Variants in FGF12 observed in about 807,000 individuals in gnomAD.
FGF12 encodes the protein fibroblast growth factor 12B.
FGF12 carries 14 observed loss-of-function variants against 23.6 expected under a neutral mutation model. That is an observed-to-expected ratio of 0.59 (90% CI 0.39 to 0.93). FGF12 has a LOEUF of 0.93. Among genes scored for constraint, FGF12 ranks in the 40% least tolerant of loss-of-function variants. The pLI is 0.00. For missense variants in FGF12, 175 were observed against 217.8 expected, an observed-to-expected ratio of 0.80 and a Z score of 1.24; for synonymous variants, 62 against 77.3, an observed-to-expected ratio of 0.80 and a Z score of 1.04.
chr3:192,370,094 G>A (rs549479096), intron 2 of FGF12, among the ~76,000 whole-genome samples: 1 of 152,282 alleles, frequency 6.6e-6, no homozygotes, highest in African/African-American at 2.4e-5. Flanking sequence ...CAGGGTGAAG[G>A]AAATATGGGG....
chr3:192,248,694 C>T (rs1390472010), intron 4 of FGF12, among the ~76,000 whole-genome samples: 1 of 152,172 alleles, frequency 6.6e-6, no homozygotes, highest in African/African-American at 2.4e-5. Context: ...GGGAGGATGA[C>T]TTCTGCCCCG....
At chr3:192,158,366 C>CTTTT (rs1261185677) in intron 5 of FGF12, among the ~76,000 whole-genome samples, 1 of 97,634 alleles carries the variant, frequency 1.0e-5, no homozygotes, top group African/African-American at 4.7e-5. Flanking sequence ...TTCTTTCTTT[C>CTTTT]TTTCTTTCTT....
chr3:192,376,527 T>C (rs186301185), intron 2 of FGF12, among the ~76,000 whole-genome samples: 1 of 151,964 alleles, frequency 6.6e-6, no homozygotes. Context: ...CACGCCCGGC[T>C]AATTTTGTAT....
At chr3:192,476,453 C>T (rs1723327683) in intron 2 of FGF12, among the ~76,000 whole-genome samples, 1 of 152,162 alleles carries the variant, frequency 6.6e-6, no homozygotes, top group Non-Finnish European at 1.5e-5. Context: ...ATCATTTTAC[C>T]ACAACATATG....
At chr3:192,458,438 T>G (rs1011580974) in intron 2 of FGF12, among the ~76,000 whole-genome samples, 1 of 152,208 alleles carries the variant, frequency 6.6e-6, no homozygotes, top group Non-Finnish European at 1.5e-5. Flanking sequence ...ACCCACCTCT[T>G]GCATCAGTGT....
chr3:192,530,430 T>C (rs1649791119), intron 2 of FGF12, among the ~76,000 whole-genome samples: 1 of 152,220 alleles, frequency 6.6e-6, no homozygotes, highest in Non-Finnish European at 1.5e-5. Context: ...AGAAGCTTAT[T>C]GACATTTATG....
chr3:192,349,667 T>C (rs1419402901), intron 3 of FGF12, among the ~76,000 whole-genome samples: 1 of 152,112 alleles, frequency 6.6e-6, no homozygotes, highest in African/African-American at 2.4e-5. Flanking sequence ...ATTATTGCTA[T>C]AGAATTCACT....
intron 2 of FGF12, among the ~76,000 whole-genome samples, chr3:192,677,826 CA>C: frequency 6.6e-6 from 1 of 152,302 alleles, no homozygotes; most frequent in South Asian, 2.1e-4. Flanking sequence ...CTGAATTTGG[CA>C]GTCCTAATCC....
intron 2 of FGF12, among the ~76,000 whole-genome samples, chr3:192,519,462 C>T (rs1214034358): frequency 6.6e-6 from 1 of 152,070 alleles, no homozygotes; most frequent in Non-Finnish European, 1.5e-5. Context: ...GGGGAGGGTA[C>T]ATGATGTCAG....
intron 2 of FGF12, among the ~76,000 whole-genome samples, chr3:192,692,976 GA>G (rs535727148): frequency 0.044 from 6,146 of 139,722 alleles, 432 homozygotes; most frequent in African/African-American, 0.15. Flanking sequence ...AACCAGAAAA[GA>G]AAAAAAAAAA....
chr3:192,207,123 C>T (rs1717692555), intron 4 of FGF12, among the ~76,000 whole-genome samples: 2 of 152,124 alleles, frequency 1.3e-5, no homozygotes, highest in African/African-American at 4.8e-5. Flanking sequence ...CCTGAGAAAG[C>T]CCCTTAGCAT....
At chr3:192,465,705 C>A (rs78370191) in intron 2 of FGF12, among the ~76,000 whole-genome samples, 1,716 of 152,254 alleles carry the variant, frequency 0.011, 25 homozygotes, top group African/African-American at 0.04. Flanking sequence ...CTGTCGCCCT[C>A]CCCGACCCCC....
intron 2 of FGF12, among the ~76,000 whole-genome samples, chr3:192,675,820 A>G (rs1296179493): frequency 1.3e-5 from 2 of 152,240 alleles, no homozygotes; most frequent in Admixed American, 6.5e-5. Context: ...GGCACTCAAG[A>G]ATAGCTAGGC....
chr3:192,692,742 G>T (rs1229083475), intron 2 of FGF12, among the ~76,000 whole-genome samples: 2 of 150,966 alleles, frequency 1.3e-5, no homozygotes, highest in Non-Finnish European at 2.9e-5. Context: ...TTTAATAAAT[G>T]CAGAAAAAGC....
rs573268656 is a variant in FGF12 at position 192,594,015 on chromosome 3, G to A, written c.13+133166C>T. On this transcript the variant is annotated intron_variant, in intron 2 of 5. Transcript: ENST00000445105. ...ATATTAAGAGGGTAAGCAGCTTGTC[G>A]GTTAGAGTAAAGTTATGCAAAAAGA... 5.9e-5 allele frequency among the ~76,000 whole-genome samples: 9 copies of A among 152,018 alleles called. No individual in the cohort carries two copies. The South Asian group carries it at 1.3e-3, about 21-fold the overall frequency.
At chr3:192,501,872 A>G (rs1724143008) in intron 2 of FGF12, among the ~76,000 whole-genome samples, 1 of 152,210 alleles carries the variant, frequency 6.6e-6, no homozygotes, top group South Asian at 2.1e-4. Context: ...AATAGGGTTC[A>G]TGCAGGCTCA....
intron 2 of FGF12, among the ~76,000 whole-genome samples, chr3:192,417,821 G>T (rs367779015): frequency 6.6e-6 from 1 of 151,992 alleles, no homozygotes; most frequent in Non-Finnish European, 1.5e-5. Context: ...GAAGGGAAAG[G>T]TTATGCCCTA....
chr3:192,343,825 T>C (rs937147411), intron 3 of FGF12, among the ~76,000 whole-genome samples: 1 of 152,192 alleles, frequency 6.6e-6, no homozygotes, highest in Non-Finnish European at 1.5e-5. Context: ...GTTTTTGTTG[T>C]TGTTTTGCAT....
intron 2 of FGF12, among the ~76,000 whole-genome samples, chr3:192,551,898 C>T (rs1488496373): frequency 6.6e-6 from 1 of 151,816 alleles, no homozygotes; most frequent in Non-Finnish European, 1.5e-5. Context: ...CAAATCCCAA[C>T]ATGATAGAGA....
Sources: allele counts gnomAD v4.1 joint callset (sites outside exome capture counted in the v4.1 genomes callset), GRCh38; gene constraint gnomAD v4.1.1; transcripts MANE v1.5; gene names NCBI Gene and HGNC (gene_info 2026-07-23, HGNC 2026-07-21).